Variants in SNX29 observed in about 807,000 individuals in gnomAD.
The protein encoded by SNX29 is sorting nexin 29, also known as sorting nexin-29.
Under a neutral mutation model 102.1 loss-of-function variants are expected in SNX29, and 78 were observed. That is an observed-to-expected ratio of 0.76 (90% CI 0.64 to 0.92). SNX29 has a LOEUF of 0.92. SNX29 is among the 40% of genes least tolerant of loss of function. The pLI, the probability that SNX29 is intolerant of heterozygous loss-of-function variation, is 0.00. For synonymous variants in SNX29, 580 were observed against 414.5 expected, an observed-to-expected ratio of 1.40 and a Z score of -4.85; for missense variants, 1,280 against 1,061.7, an observed-to-expected ratio of 1.21 and a Z score of -2.86.
In SNX29 at chr16:12,230,819, C is replaced by CGTAT. The variant is rs72479138; in HGVS notation, c.1678+31161_1678+31164dup. ...AAAATGTTTCTCCCTTGTAATAAGT[C>CGTAT]GTATGTATGTATGTATGTATGTATG... On this transcript the variant is annotated intron_variant, in intron 14 of 20. Transcript: ENST00000566228. 1.3e-3 allele frequency among the ~76,000 whole-genome samples: 189 copies of CGTAT among 150,398 alleles called. 1 individual carries two copies. The highest frequency in any genetic ancestry group is 5.3e-3 in the South Asian group (25 of 4,760).
intron 15 of SNX29, among the ~76,000 whole-genome samples, chr16:12,285,832 G>A (rs545879141): frequency 2.0e-4 from 31 of 152,248 alleles, no homozygotes; most frequent in Admixed American, 1.5e-3. Flanking sequence ...CAAAATGAAA[G>A]GTATGATGTT....
chr16:12,367,282 A>G (rs2082519916), intron 16 of SNX29: 1 of 152,156 alleles, frequency 6.6e-6, no homozygotes, highest in South Asian at 2.1e-4. Context: ...ACACGTAATC[A>G]CTCAGGGAGC....
At chr16:12,176,328 G>A (rs1037178940) in intron 13 of SNX29, among the ~76,000 whole-genome samples, 1 of 152,194 alleles carries the variant, frequency 6.6e-6, no homozygotes, top group Non-Finnish European at 1.5e-5. Flanking sequence ...CTGCTTAGCA[G>A]CTTGAGTCTT....
At chr16:12,352,110 C>A (rs997620058) in intron 15 of SNX29, among the ~76,000 whole-genome samples, 1 of 152,136 alleles carries the variant, frequency 6.6e-6, no homozygotes, top group Non-Finnish European at 1.5e-5. Flanking sequence ...AGACTTGGAA[C>A]CCACCCAAAT....
At chr16:12,493,315 C>G (rs985825561) in intron 19 of SNX29, among the ~76,000 whole-genome samples, 5 of 152,148 alleles carry the variant, frequency 3.3e-5, no homozygotes, top group Admixed American at 2.6e-4. Context: ...TGGGAGTTCA[C>G]TCATGATTTG....
At chr16:12,559,586 G>T (rs950403027) in intron 20 of SNX29, among the ~76,000 whole-genome samples, 5 of 151,928 alleles carry the variant, frequency 3.3e-5, no homozygotes, top group Middle Eastern at 3.4e-3. Context: ...CATCCCTGGT[G>T]CCAAAAAGGT....
chr16:12,042,654 A>T (rs1453176084), intron 4 of SNX29, among the ~76,000 whole-genome samples: 1 of 152,136 alleles, frequency 6.6e-6, no homozygotes, highest in South Asian at 2.1e-4. Context: ...ATAGGACACA[A>T]TTTTGTTCTT....
chr16:12,239,104 T>G (rs2078023677), intron 14 of SNX29, among the ~76,000 whole-genome samples: 1 of 152,196 alleles, frequency 6.6e-6, no homozygotes, highest in Non-Finnish European at 1.5e-5. Flanking sequence ...AAGGGGCGTG[T>G]GAAGTGTAGT....
At chr16:12,314,371 G>T (rs1225630504) in intron 15 of SNX29, among the ~76,000 whole-genome samples, 1 of 152,250 alleles carries the variant, frequency 6.6e-6, no homozygotes, top group South Asian at 2.1e-4. Flanking sequence ...ATACCTGAAA[G>T]AGAAGCAGCA....
At chr16:12,057,443 AAGCAGTTGAGCTGGG>A (rs1299297998) in intron 8 of SNX29, among the ~76,000 whole-genome samples, 4 of 152,132 alleles carry the variant, frequency 2.6e-5, no homozygotes, top group Non-Finnish European at 5.9e-5. Flanking sequence ...AGACAGCTGG[AAGCAGTTGAGCTGGG>A]AGCAGTTGAT....
chr16:12,316,033 C>T (rs933836139), intron 15 of SNX29, among the ~76,000 whole-genome samples: 5 of 152,126 alleles, frequency 3.3e-5, no homozygotes, highest in African/African-American at 7.2e-5. Flanking sequence ...CTGAGTGCTC[C>T]GAAGAAGGCA....
intron 15 of SNX29, among the ~76,000 whole-genome samples, chr16:12,347,914 C>CA (rs386384275): frequency 0.51 from 61,173 of 120,942 alleles, 14,834 homozygotes; most frequent in Non-Finnish European, 0.61. Context: ...CCTGTCTTTA[C>CA]AAAAAAAAAA....
chr16:12,167,053 C>G (rs1025662988), intron 13 of SNX29, among the ~76,000 whole-genome samples: 1 of 152,150 alleles, frequency 6.6e-6, no homozygotes, highest in Non-Finnish European at 1.5e-5. Context: ...CAATGCATGT[C>G]TTTTTTGCTT....
At chr16:12,382,901 G>A (rs758443908) in intron 16 of SNX29, among the ~76,000 whole-genome samples, 1 of 151,870 alleles carries the variant, frequency 6.6e-6, no homozygotes, top group Admixed American at 6.6e-5. Flanking sequence ...GGGATTTAGG[G>A]CCTACCTGGA....
intron 14 of SNX29, among the ~76,000 whole-genome samples, chr16:12,256,780 C>T (rs963121528): frequency 6.6e-5 from 10 of 152,060 alleles, no homozygotes; most frequent in Non-Finnish European, 1.2e-4. Flanking sequence ...CTGGGAATCA[C>T]GGTGAAAGAG....
intron 11 of SNX29, among the ~76,000 whole-genome samples, chr16:12,082,325 A>C (rs1183638033): frequency 6.6e-6 from 1 of 152,106 alleles, no homozygotes; most frequent in Non-Finnish European, 1.5e-5. Context: ...CTGTTTCCCA[A>C]GAGTTCCTGC....
At chr16:12,310,603 A>G (rs755541356) in intron 15 of SNX29, among the ~76,000 whole-genome samples, 25 of 152,214 alleles carry the variant, frequency 1.6e-4, no homozygotes, top group Non-Finnish European at 2.6e-4. Context: ...CTATAGGGAC[A>G]GAAAGCAGAT....
chr16:12,511,909 T>C (rs979701974), intron 19 of SNX29, among the ~76,000 whole-genome samples: 5 of 151,808 alleles, frequency 3.3e-5, no homozygotes, highest in Admixed American at 3.3e-4. Context: ...CTGGACGGCG[T>C]TGGGCAGGGC....
intron 11 of SNX29, among the ~76,000 whole-genome samples, chr16:12,094,391 A>G (rs1370041230): frequency 1.3e-5 from 2 of 152,216 alleles, no homozygotes; most frequent in African/African-American, 4.8e-5. Flanking sequence ...TCCTGAAAAC[A>G]ACATCTGGGC....
Sources: allele counts gnomAD v4.1 joint callset (sites outside exome capture counted in the v4.1 genomes callset), GRCh38; gene constraint gnomAD v4.1.1; transcripts MANE v1.5; gene names NCBI Gene and HGNC (gene_info 2026-07-23, HGNC 2026-07-21).